The following NRG1 variants were observed in gnomAD, a reference collection of about 807,000 sequenced individuals.
NRG1 encodes neuregulin 1.
In NRG1, 18 loss-of-function variants were observed where a neutral mutation model predicts 63.8. That is an observed-to-expected ratio of 0.28 (90% CI 0.19 to 0.42). The LOEUF (loss-of-function observed/expected upper bound fraction) is 0.42, where lower values mean the gene tolerates loss of function less well. Among genes scored for constraint, NRG1 ranks in the 10% least tolerant of loss-of-function variants. NRG1 has a pLI of 1.00. For synonymous variants in NRG1, 302 were observed against 301.3 expected (o/e 1.00, Z -0.02); for missense variants, 762 against 814.7 (o/e 0.94, Z 0.79).
chr8:31,676,148 T>C (rs1807671901), intron 1 of NRG1, among the ~76,000 whole-genome samples: 1 of 152,042 alleles, frequency 6.6e-6, no homozygotes. Context: ...GGATTGTAGG[T>C]GGGTAAGATT....
intron 5 of NRG1, among the ~76,000 whole-genome samples, chr8:32,681,307 A>G (rs1388069361): frequency 6.6e-6 from 1 of 152,202 alleles, no homozygotes; most frequent in Non-Finnish European, 1.5e-5. Flanking sequence ...CAGACAAAGC[A>G]AAAGGTTCTT....
rs933668061 is a variant in NRG1, at chr8:32,657,649, T to C, written c.502+40764T>C. Among the ~76,000 whole-genome samples the C allele has an allele frequency of 4.6e-5, 7 of 152,342 alleles. No individual in the cohort carries two copies. The East Asian group carries it at 1.4e-3, about 29-fold the overall frequency. ...CAGCAATAAAAGCTCCATACATAAA[T>C]GGAATGATCTAAGGATAGTAGAATT... On this transcript the variant is annotated intron_variant, in intron 5 of 11. Transcript: ENST00000356819.
chr8:32,095,204 C>T (rs909175240), intron 1 of NRG1, among the ~76,000 whole-genome samples: 4 of 152,138 alleles, frequency 2.6e-5, no homozygotes, highest in Admixed American at 6.5e-5. Flanking sequence ...GCCTCTGCGC[C>T]GTGCCATTTT....
intron 1 of NRG1, among the ~76,000 whole-genome samples, chr8:32,480,612 T>C (rs1323207121): frequency 3.3e-5 from 5 of 152,178 alleles, no homozygotes; most frequent in Non-Finnish European, 7.3e-5. Flanking sequence ...TGAGGCTAGG[T>C]AATTTGTAAA....
intron 1 of NRG1, among the ~76,000 whole-genome samples, chr8:32,280,748 GTCCTT>G (rs1852677724): frequency 4.6e-5 from 1 of 21,690 alleles, no homozygotes; most frequent in South Asian, 1.7e-3. Flanking sequence ...TATTTATTTT[GTCCTT>G]TCATTTTTTT....
chr8:31,848,003 T>C lies in NRG1; in HGVS notation c.37+208572T>C, dbSNP rs191579872. Among the ~76,000 whole-genome samples the C allele has an allele frequency of 5.1e-4, 77 of 152,332 alleles. 1 individual carries two copies. Among genetic ancestry groups the C allele is most frequent in the African/African-American group, 1.6e-3 (67 of 41,590 alleles). On this transcript the variant is annotated intron_variant, in intron 1 of 10. Transcript: ENST00000519301. ...TGAGCATGACACTAGGGTTCCTAAA[T>C]ACTTTCATTCTAGACACATAAAACC...
At chr8:32,678,281 T>A in intron 5 of NRG1, among the ~76,000 whole-genome samples, 1 of 152,132 alleles carries the variant, frequency 6.6e-6, no homozygotes, top group East Asian at 1.9e-4. Flanking sequence ...CTATCTGAAA[T>A]AAGCTACTTA....
intron 5 of NRG1, among the ~76,000 whole-genome samples, chr8:32,698,596 TA>T (rs1814000232): frequency 6.6e-6 from 1 of 152,096 alleles, no homozygotes; most frequent in Non-Finnish European, 1.5e-5. Flanking sequence ...AAAGACCAAA[TA>T]AAGGCCTAGG....
intron 1 of NRG1, among the ~76,000 whole-genome samples, chr8:31,882,381 A>C (rs531139019): frequency 6.6e-6 from 1 of 151,260 alleles, no homozygotes; most frequent in Non-Finnish European, 1.5e-5. Flanking sequence ...ATTACTGCTC[A>C]TTGACAATAC....
At chr8:32,690,492 T>C (rs1434084998) in intron 5 of NRG1, among the ~76,000 whole-genome samples, 2 of 152,170 alleles carry the variant, frequency 1.3e-5, no homozygotes, top group Non-Finnish European at 2.9e-5. Context: ...AGGCCTCAGC[T>C]AAGTACCTCC....
At chr8:32,325,644 G>C (rs946636067) in intron 1 of NRG1, among the ~76,000 whole-genome samples, 2 of 152,168 alleles carry the variant, frequency 1.3e-5, no homozygotes, top group Non-Finnish European at 2.9e-5. Context: ...TTCCCAAAGT[G>C]CTGGGAATAT....
chr8:32,312,217 G>A (rs999458295), intron 1 of NRG1, among the ~76,000 whole-genome samples: 5 of 138,336 alleles, frequency 3.6e-5, no homozygotes, highest in Non-Finnish European at 6.1e-5. Context: ...AGACTGGAGT[G>A]CAATGGCATG....
At chr8:31,795,127 T>C (rs1821080698) in intron 1 of NRG1, among the ~76,000 whole-genome samples, 1 of 152,180 alleles carries the variant, frequency 6.6e-6, no homozygotes, top group Admixed American at 6.5e-5. Context: ...TTCCAACTTT[T>C]AGATAGCTTC....
At chr8:32,007,138 A>G (rs1312528990) in intron 1 of NRG1, among the ~76,000 whole-genome samples, 3 of 152,052 alleles carry the variant, frequency 2.0e-5, no homozygotes, top group Non-Finnish European at 4.4e-5. Flanking sequence ...TTTCCTTAAA[A>G]GTTTCAGTTG....
At chr8:32,729,716 T>C (rs1823156974) in intron 6 of NRG1, among the ~76,000 whole-genome samples, 1 of 152,192 alleles carries the variant, frequency 6.6e-6, no homozygotes, top group African/African-American at 2.4e-5. Context: ...ATCTTAATTA[T>C]ATTTATAAGT....
chr8:32,637,194 T>A (rs1354743424), intron 5 of NRG1, among the ~76,000 whole-genome samples: 9 of 152,146 alleles, frequency 5.9e-5, no homozygotes, highest in Admixed American at 5.9e-4. Flanking sequence ...AATATTTTCC[T>A]ATATTTGCTT....
intron 1 of NRG1, among the ~76,000 whole-genome samples, chr8:31,795,601 T>C (rs554017262): frequency 6.6e-6 from 1 of 152,218 alleles, no homozygotes; most frequent in Non-Finnish European, 1.5e-5. Flanking sequence ...TGGTTATTCC[T>C]TACTAGACAA....
chr8:32,570,594 C>T (rs987348266), intron 1 of NRG1, among the ~76,000 whole-genome samples: 2 of 152,158 alleles, frequency 1.3e-5, no homozygotes, highest in African/African-American at 4.8e-5. Flanking sequence ...TTGCTCCACT[C>T]TATCATTAAG....
At chr8:32,510,386 A>G (rs1829036367) in intron 1 of NRG1, among the ~76,000 whole-genome samples, 1 of 151,818 alleles carries the variant, frequency 6.6e-6, no homozygotes, top group Non-Finnish European at 1.5e-5. Flanking sequence ...TAAAAAAAGG[A>G]GGAAAGGAAG....
Sources: gnomAD v4.1 joint callset for allele counts (sites outside exome capture counted in the v4.1 genomes callset) on GRCh38, gnomAD v4.1.1 for gene constraint, MANE v1.5 for transcripts, NCBI Gene and HGNC (gene_info 2026-07-23, HGNC 2026-07-21) for gene names.